The following RAD54L2 variants were observed in gnomAD, a reference collection of about 807,000 sequenced individuals.
RAD54L2 encodes the protein RAD54 like 2.
Under a neutral mutation model 138.4 loss-of-function variants are expected in RAD54L2, and 27 were observed. The observed-to-expected ratio is 0.20, with a 90% CI of 0.14 to 0.27. The LOEUF (loss-of-function observed/expected upper bound fraction) is 0.27, where lower values mean the gene tolerates loss of function less well. RAD54L2 is among the 10% of genes least tolerant of loss of function. RAD54L2 has a pLI of 1.00. For synonymous variants in RAD54L2, 644 were observed against 723.2 expected (o/e 0.89, Z 1.76); for missense variants, 1,396 against 1,890.2 (o/e 0.74, Z 4.85).
intron 2 of RAD54L2, among the ~76,000 whole-genome samples, chr3:51,574,275 TTGCTATTG>T (rs1365483037): frequency 6.6e-6 from 1 of 152,196 alleles, no homozygotes; most frequent in Non-Finnish European, 1.5e-5. Flanking sequence ...TTCCAAGTCT[TTGCTATTG>T]TGAATAGTGC....
At chr3:51,589,817 G>A (rs187516513) in intron 2 of RAD54L2, among the ~76,000 whole-genome samples, 2 of 152,116 alleles carry the variant, frequency 1.3e-5, no homozygotes, top group Admixed American at 6.6e-5. Context: ...TTATAGTTTT[G>A]TTGTTATTGT....
chr3:51,582,812 G>A (rs958535785), intron 2 of RAD54L2, among the ~76,000 whole-genome samples: 10 of 151,472 alleles, frequency 6.6e-5, no homozygotes, highest in African/African-American at 2.4e-4. Context: ...AGGCCGGACT[G>A]CGGACTGCAG....
intron 3 of RAD54L2, among the ~76,000 whole-genome samples, chr3:51,595,594 G>C (rs1191897782): frequency 6.6e-6 from 1 of 152,172 alleles, no homozygotes; most frequent in Non-Finnish European, 1.5e-5. Context: ...TGCAAGAACT[G>C]GTTATTATAG....
rs112574104 is a variant in RAD54L2, at chr3:51,638,382, A to G, written c.1860+61A>G. The G allele has an allele frequency of 4.4e-6, 7 of 1,580,374 alleles. No individual in the cohort carries two copies. The highest frequency in any genetic ancestry group is 4.0e-5 in the African/African-American group (3 of 74,324). On this transcript the variant is annotated intron_variant, in intron 12 of 22. Transcript: ENST00000684192. The surrounding 1 kb of genome is among the most constrained non-coding windows in gnomAD (Gnocchi z 4.3). ...CTAAGGATACACATGGTCCCAAGGG[A>G]GTTACTCCTACTGAGAGTCTTCAAT... is the stretch of plus-strand genomic sequence containing the variant.
At chr3:51,634,358 ATT>A (rs61565460) in intron 9 of RAD54L2, among the ~76,000 whole-genome samples, 334 of 94,892 alleles carry the variant, frequency 3.5e-3, no homozygotes, top group African/African-American at 0.013. Flanking sequence ...CCACTGTCTG[ATT>A]TTTTTTTTTT....
chr3:51,539,728 G>A (rs538173768), intron 1 of RAD54L2, among the ~76,000 whole-genome samples: 1 of 152,330 alleles, frequency 6.6e-6, no homozygotes, highest in African/African-American at 2.4e-5. Context: ...AAACTTTGCA[G>A]AGTGGGCTTC....
chr3:51,588,732 TAA>T (rs1699768636), intron 2 of RAD54L2, among the ~76,000 whole-genome samples: 1 of 152,108 alleles, frequency 6.6e-6, no homozygotes, highest in South Asian at 2.1e-4. Context: ...AGTAAAGTGA[TAA>T]GAGAGACAGA....
At chr3:51,571,334 T>A (rs1173784878) in intron 2 of RAD54L2, among the ~76,000 whole-genome samples, 2 of 151,934 alleles carry the variant, frequency 1.3e-5, no homozygotes, top group African/African-American at 4.8e-5. Flanking sequence ...TTGGTCTTTG[T>A]ACCTCCCATT....
intron 2 of RAD54L2, among the ~76,000 whole-genome samples, chr3:51,581,929 CTT>C (rs200417357): frequency 4.2e-4 from 60 of 141,970 alleles, no homozygotes; most frequent in Non-Finnish European, 4.3e-4. Flanking sequence ...CTTCTCTTTT[CTT>C]TTTTTTTTTT....
At chr3:51,656,746 T>C (rs1052750972) in intron 20 of RAD54L2, among the ~76,000 whole-genome samples, 3 of 152,064 alleles carry the variant, frequency 2.0e-5, no homozygotes, top group African/African-American at 7.2e-5. Flanking sequence ...AATATATAAA[T>C]TGATTATTAT....
intron 3 of RAD54L2, among the ~76,000 whole-genome samples, chr3:51,606,694 T>G (rs938532632): frequency 2.0e-5 from 3 of 152,110 alleles, no homozygotes; most frequent in Non-Finnish European, 2.9e-5. Flanking sequence ...ATGTATGTAT[T>G]TATTTTGAGA....
At chr3:51,612,899 C>T (rs1391322230) in intron 3 of RAD54L2, among the ~76,000 whole-genome samples, 1 of 152,002 alleles carries the variant, frequency 6.6e-6, no homozygotes, top group African/African-American at 2.4e-5. Context: ...CTTGATATTA[C>T]CCTGTCTGTA....
At chr3:51,609,440 C>G (rs1700280740) in intron 3 of RAD54L2, among the ~76,000 whole-genome samples, 2 of 152,320 alleles carry the variant, frequency 1.3e-5, no homozygotes, top group South Asian at 4.1e-4. Flanking sequence ...GTTCTCTGCT[C>G]CCAAATTAGC....
chr3:51,548,711 G>A (rs1434559914), intron 2 of RAD54L2, among the ~76,000 whole-genome samples: 6 of 151,910 alleles, frequency 3.9e-5, no homozygotes, highest in Non-Finnish European at 5.9e-5. Context: ...AGTTTGGGAT[G>A]ACAGTCACCC....
At chr3:51,576,806 T>G (rs1172355983) in intron 2 of RAD54L2, among the ~76,000 whole-genome samples, 3 of 152,186 alleles carry the variant, frequency 2.0e-5, no homozygotes, top group Non-Finnish European at 4.4e-5. Flanking sequence ...AGCTCCTGGA[T>G]TCACTGATTT....
chr3:51,602,006 A>G (rs1700092767), intron 3 of RAD54L2, among the ~76,000 whole-genome samples: 1 of 143,784 alleles, frequency 7.0e-6, no homozygotes, highest in African/African-American at 2.6e-5. Flanking sequence ...AAGTTTTTGT[A>G]TTTTTAATAG....
chr3:51,554,422 C>A (rs369198287), intron 2 of RAD54L2, among the ~76,000 whole-genome samples: 13 of 151,260 alleles, frequency 8.6e-5, no homozygotes, highest in East Asian at 3.9e-4. Context: ...CCCAGCTATT[C>A]GGGATGCAGG....
At chr3:51,608,658 C>G (rs1577421748) in intron 3 of RAD54L2, among the ~76,000 whole-genome samples, 1 of 152,218 alleles carries the variant, frequency 6.6e-6, no homozygotes, top group African/African-American at 2.4e-5. Flanking sequence ...AACCCCGTCT[C>G]CACCAAAAAA....
intron 2 of RAD54L2, among the ~76,000 whole-genome samples, chr3:51,562,146 G>A (rs1319023151): frequency 1.4e-5 from 2 of 145,082 alleles, no homozygotes; most frequent in Non-Finnish European, 3.0e-5. Flanking sequence ...AGCGATTATC[G>A]TGCCTCAGCC....
Sources: gnomAD v4.1 joint callset for allele counts (sites outside exome capture counted in the v4.1 genomes callset) on GRCh38, gnomAD v4.1.1 for gene constraint, Gnocchi (gnomAD v3.1) non-coding constraint, MANE v1.5 for transcripts, NCBI Gene and HGNC (gene_info 2026-07-23, HGNC 2026-07-21) for gene names.